CLN3: variants seen among roughly 807,000 people sequenced by gnomAD.
CLN3 encodes battenin.
A neutral mutation model predicts 60.7 loss-of-function variants in CLN3; 49 were observed. The observed-to-expected ratio is 0.81, with a 90% confidence interval of 0.64 to 1.02. The LOEUF (loss-of-function observed/expected upper bound fraction) is 1.02. Among genes scored for constraint, CLN3 ranks in the 50% least tolerant of loss-of-function variants. The pLI, the probability that CLN3 is intolerant of heterozygous loss-of-function variation, is 0.00. For missense variants in CLN3, 516 were observed against 557.4 expected (o/e 0.93, Z 0.75); for synonymous variants, 256 against 245.8 (o/e 1.04, Z -0.39).
rs1326737525 is a variant in CLN3, at chr16:28,482,642, C to G, written c.821G>C (p.Arg274Thr). The change falls in exon 11 of 16, where the codon AGG becomes ACG. Residue 274 changes from arginine (R) to threonine (T), a missense_variant. By Grantham distance (71) the Arg-to-Thr change is moderately conservative (BLOSUM62 -1). Transcript: ENST00000636147. ...CATCCGAACCTTGAACACTGTCCAC[C>G]TTTCCCGAAGGGAGAGGCTGGAGCT... is the stretch of plus-strand genomic sequence containing the variant. ...GSSSSLSLRE[R>T]WTVFKGLLWY... 6.2e-7 allele frequency: 1 copy of G among 1,614,210 alleles called. No individual in the cohort carries two copies. Among genetic ancestry groups the G allele is most frequent in the East Asian group, 2.2e-5 (1 of 44,880 alleles).
At position 28,486,382 on chromosome 16, in the gene CLN3, C is replaced by T. The variant is rs1404038352; in HGVS notation, c.642G>A (p.Leu214=). 1 of 1,612,838 alleles carries T rather than the reference C, an allele frequency of 6.2e-7. No homozygotes were observed. The highest frequency in any genetic ancestry group is 8.5e-7 in the Non-Finnish European group (1 of 1,180,022). Residue 214 remains leucine (L), a synonymous_variant, in exon 9 of 16, where the codon CTG becomes CTA. Transcript: ENST00000636147. The part of the protein sequence containing the change: ...QAGLSPQQTL[L]SMLGIPALLL... The stretch of plus-strand genomic sequence containing the variant: ...GCAGGGCAGGGATACCCAGCATGGA[C>T]AGCAGGGTCTGCTGAGGGGAGAGGC...
At chr16:28,483,185 C>G (rs1317126771) in intron 10 of CLN3, among the ~76,000 whole-genome samples, 4 of 152,052 alleles carry the variant, frequency 2.6e-5, no homozygotes, top group African/African-American at 9.7e-5. Context: ...AAAATAAAAG[C>G]TAACCAGGTG....
chr16:28,482,714 A>T (rs377419979), intron 10 of CLN3, 42 bp from the exon 11 acceptor site: 4 of 1,608,668 alleles, frequency 2.5e-6, no homozygotes, highest in Non-Finnish European at 3.4e-6. Flanking sequence ...AAGTTTTCAC[A>T]CTGAAGACTC....
At chr16:28,492,082 C>G (rs1157868081), upstream of CLN3, 1 of 436,188 alleles carries the variant, frequency 2.3e-6, no homozygotes, top group African/African-American at 2.0e-5. Flanking sequence ...CGTGACAGCA[C>G]CCGCGTGTTC....
At chr16:28,480,213 A>AC (rs2046063134) in intron 14 of CLN3, among the ~76,000 whole-genome samples, 1 of 147,564 alleles carries the variant, frequency 6.8e-6, no homozygotes, top group African/African-American at 2.5e-5. Context: ...CACCTGGCTT[A>AC]TTTTTTTTTT....
intron 10 of CLN3, 131 bp from the exon 11 acceptor site, chr16:28,482,803 A>G (rs912486006): frequency 1.5e-5 from 15 of 984,224 alleles, no homozygotes; most frequent in Non-Finnish European, 2.4e-5. Context: ...TGGATTGGAC[A>G]CTTAAAAATG....
At chr16:28,485,263 T>C (rs2046187325) in intron 9 of CLN3, among the ~76,000 whole-genome samples, 1 of 148,676 alleles carries the variant, frequency 6.7e-6, no homozygotes, top group Admixed American at 6.8e-5. Context: ...GTAATATGCA[T>C]GAAAATACAC....
rs1057517350 is a variant in CLN3 at position 28,482,673 on chromosome 16, C to T, written c.791-1G>A. The T allele has an allele frequency of 6.2e-7, 1 of 1,614,174 alleles. No individual in the cohort carries two copies. ...CGAAGGGAGAGGCTGGAGCTGGAGCCTGCAGGGGAACAGAGAGAGAAGGGC... is the reference window on the plus strand; with the variant it reads ...CGAAGGGAGAGGCTGGAGCTGGAGCTTGCAGGGGAACAGAGAGAGAAGGGC... On this transcript the variant is annotated splice_acceptor_variant, in intron 10 of 15. Transcript: ENST00000636147. LOFTEE classifies it high-confidence loss of function.
downstream of CLN3, among the ~76,000 whole-genome samples, chr16:28,472,116 G>T (rs1038726499): frequency 9.2e-5 from 14 of 152,200 alleles, no homozygotes; most frequent in Non-Finnish European, 2.9e-5. Context: ...TTGTATTGGT[G>T]TAAGAATAAA....
intron 10 of CLN3, among the ~76,000 whole-genome samples, chr16:28,483,694 CCCTT>C (rs1218414372): frequency 1.3e-4 from 20 of 149,772 alleles, no homozygotes; most frequent in African/African-American, 3.2e-4. Flanking sequence ...TTCTCTCCCT[CCCTT>C]CCTTCCTTTC....
chr16:28,489,448 G>C (rs1445777838), intron 3 of CLN3, 62 bp from the exon 4 acceptor site: 1 of 1,217,930 alleles, frequency 8.2e-7, no homozygotes, highest in East Asian at 2.5e-5. Flanking sequence ...TAGCCTTTGT[G>C]CCAAACCTTC....
chr16:28,486,267 C>T (rs1205583368), intron 9 of CLN3, 80 bp downstream of exon 9: 11 of 1,579,080 alleles, frequency 7.0e-6, no homozygotes, highest in East Asian at 2.2e-5. Context: ...GCTGGGATTA[C>T]AGGCGTGAGC....
rs1567254120 is a variant in CLN3 at position 28,477,869 on chromosome 16, G to A, written c.1065C>T (p.Asn355=). The A allele has an allele frequency of 1.2e-6, 2 of 1,614,016 alleles. No homozygotes were observed. The highest frequency in any genetic ancestry group is 4.5e-5 in the East Asian group (2 of 44,882). ...TWALALLQCL[N]LVFLLADVWF... ...ACACGTCTGCCAGCAGGAACACCAG[G>A]TTGAGGCACTGTGAACAGGGGGAGA... Residue 355 remains asparagine, a synonymous_variant, in exon 15 of 16, where the codon AAC becomes AAT. Transcript: ENST00000636147.
At chr16:28,487,274 C>T in intron 7 of CLN3, 182 bp downstream of exon 7, 1 of 673,484 alleles carries the variant, frequency 1.5e-6, no homozygotes, top group Non-Finnish European at 2.7e-6. Context: ...TCTCCCATCT[C>T]CTCCACTGCC....
At chr16:28,479,754 G>A (rs138115841) in intron 14 of CLN3, 2,687 of 208,992 alleles carry the variant, frequency 0.013, 37 homozygotes, top group Non-Finnish European at 0.023. Context: ...GGGCAACAGA[G>A]CGAGACTCCA....
intron 5 of CLN3, 114 bp downstream of exon 5, chr16:28,488,476 AG>A: frequency 1.1e-6 from 1 of 906,180 alleles, no homozygotes; most frequent in Non-Finnish European, 1.8e-6. Flanking sequence ...CGCCCAGCCC[AG>A]GTCTCAACTG....
intron 9 of CLN3, 143 bp from the exon 10 acceptor site, chr16:28,484,261 C>T (rs988965265): frequency 6.0e-5 from 42 of 702,518 alleles, no homozygotes; most frequent in Middle Eastern, 7.4e-4. Flanking sequence ...AAGGCTCCTA[C>T]GCTGTGCGGG....
Position 28,491,707 on chromosome 16 carries a change from T to A in CLN3, c.46+7A>T. 5.6e-6 allele frequency: 9 copies of A among 1,614,060 alleles called. No homozygotes were observed. The highest frequency in any genetic ancestry group is 6.8e-6 in the Non-Finnish European group (8 of 1,180,000). On this transcript the variant is annotated splice_region_variant and intron_variant, in intron 2 of 15. Transcript: ENST00000636147. ...GTCGTTCCATGAGGGTGGGCGGGAA[T>A]ACTCACCCTCGGAATCCGAAAAGCG...
intron 9 of CLN3, among the ~76,000 whole-genome samples, chr16:28,486,020 C>T (rs887235488): frequency 2.0e-5 from 3 of 150,626 alleles, no homozygotes; most frequent in African/African-American, 7.3e-5. Flanking sequence ...CTTCCTGAGA[C>T]AGAGTCTAAC....
Sources: allele counts gnomAD v4.1 joint callset (sites outside exome capture counted in the v4.1 genomes callset), GRCh38; gene constraint gnomAD v4.1.1; transcripts MANE v1.5; gene names NCBI Gene and HGNC (gene_info 2026-07-23, HGNC 2026-07-21).